The following PDE8B variants were observed in gnomAD, a reference collection of about 807,000 sequenced individuals.
The protein encoded by PDE8B is high affinity cAMP-specific and IBMX-insensitive 3',5'-cyclic phosphodiesterase 8B.
PDE8B carries 26 observed loss-of-function variants against 101.3 expected under a neutral mutation model. That is an observed-to-expected ratio of 0.26 (90% CI 0.19 to 0.36). The LOEUF is 0.36. PDE8B is among the 10% of genes least tolerant of loss of function. The pLI is 1.00. For missense variants in PDE8B, 810 were observed against 1,163.1 expected (o/e 0.70, Z 4.42); for synonymous variants, 424 against 429.3 (o/e 0.99, Z 0.15).
intron 10 of PDE8B, among the ~76,000 whole-genome samples, chr5:77,372,193 C>T (rs1293934290): frequency 7.0e-6 from 1 of 141,852 alleles, no homozygotes; most frequent in East Asian, 2.0e-4. Context: ...GAGTGAGATT[C>T]TGTCTCAAAA....
chr5:77,322,857 C>T (rs1338554294), intron 2 of PDE8B, among the ~76,000 whole-genome samples: 5 of 152,122 alleles, frequency 3.3e-5, no homozygotes, highest in African/African-American at 1.2e-4. Context: ...TTATTTTGTT[C>T]ATCAACATAC....
the PDE8B span, among the ~76,000 whole-genome samples, chr5:77,193,089 A>G: frequency 6.6e-6 from 1 of 152,190 alleles, no homozygotes; most frequent in Admixed American, 6.5e-5. Flanking sequence ...GATACAAGTC[A>G]TTGGATGTAT....
At chr5:77,246,204 C>T (rs960521846) in intron 1 of PDE8B, among the ~76,000 whole-genome samples, 3 of 151,986 alleles carry the variant, frequency 2.0e-5, no homozygotes, top group Non-Finnish European at 2.9e-5. Context: ...AAAAAAAATG[C>T]ATTTTAGGTC....
At chr5:77,103,111 A>G in the PDE8B span, among the ~76,000 whole-genome samples, 1 of 152,220 alleles carries the variant, frequency 6.6e-6, no homozygotes, top group African/African-American at 2.4e-5. Context: ...TCTGTTTGCA[A>G]ACAAAAGATG....
chr5:77,333,835 G>C (rs1777597448), intron 5 of PDE8B, among the ~76,000 whole-genome samples: 1 of 152,224 alleles, frequency 6.6e-6, no homozygotes, highest in Non-Finnish European at 1.5e-5. Flanking sequence ...CCACTATCCA[G>C]ACATGTTACT....
intron 6 of PDE8B, among the ~76,000 whole-genome samples, chr5:77,341,908 G>A (rs1451128925): frequency 1.3e-5 from 2 of 152,102 alleles, no homozygotes; most frequent in East Asian, 1.9e-4. Context: ...ATACTACTGC[G>A]CCTGTAAGCC....
chr5:77,425,961 G>A, intron 21 of PDE8B, 65 bp downstream of exon 21: 3 of 1,476,904 alleles, frequency 2.0e-6, no homozygotes, highest in Non-Finnish European at 1.9e-6. Flanking sequence ...TATCTTTAGT[G>A]ACACAGGGTG....
In PDE8B at chr5:77,426,428, C is replaced by G. The variant is rs761911583; in HGVS notation, c.2549-17C>G. 12 of 1,557,378 alleles carry G rather than the reference C, an allele frequency of 7.7e-6. No homozygotes were observed. The highest frequency in any genetic ancestry group is 1.1e-5 in the Non-Finnish European group (12 of 1,128,602). ...CTAAGTTCACCGGTTTCTTTTGATT[C>G]TTTTCTGTCTTTGCAGCCTTTGCAC... On this transcript the variant is annotated splice_polypyrimidine_tract_variant and intron_variant, in intron 21 of 21. Coordinates refer to ENST00000264917, the MANE Select transcript of PDE8B (RefSeq NM_003719.5).
At chr5:77,305,030 G>A (rs1168832241) in intron 1 of PDE8B, among the ~76,000 whole-genome samples, 2 of 152,154 alleles carry the variant, frequency 1.3e-5, no homozygotes, top group East Asian at 1.9e-4. Context: ...AAATGGATAT[G>A]TAATAGAGTC....
At chr5:77,256,908 G>C (rs1343778572) in intron 1 of PDE8B, among the ~76,000 whole-genome samples, 1 of 151,974 alleles carries the variant, frequency 6.6e-6, no homozygotes, top group Non-Finnish European at 1.5e-5. Flanking sequence ...TTGTTTAACT[G>C]GTATTTTGCT....
the PDE8B span, among the ~76,000 whole-genome samples, chr5:77,190,172 T>G: frequency 1.3e-5 from 2 of 152,122 alleles, no homozygotes; most frequent in East Asian, 3.9e-4. Flanking sequence ...TTATCAAGGG[T>G]GATTGTGGTC....
chr5:77,368,854 A>G (rs1414124406), intron 10 of PDE8B, among the ~76,000 whole-genome samples: 1 of 152,166 alleles, frequency 6.6e-6, no homozygotes, highest in African/African-American at 2.4e-5. Flanking sequence ...ACTCAGATAT[A>G]TGGAAACAGA....
chr5:77,291,517 T>C, intron 1 of PDE8B: 1 of 1,607,348 alleles, frequency 6.2e-7, no homozygotes, highest in Non-Finnish European at 8.5e-7. Flanking sequence ...GAAGAGGTCT[T>C]TGCATGGAAT....
At chr5:77,116,231 T>TCA in the PDE8B span, among the ~76,000 whole-genome samples, 1 of 104,110 alleles carries the variant, frequency 9.6e-6, no homozygotes, top group African/African-American at 3.8e-5. Context: ...TATATTTTTT[T>TCA]TTTTTTTTTT....
At chr5:77,345,762 T>C (rs1171923634) in intron 7 of PDE8B, among the ~76,000 whole-genome samples, 2 of 152,224 alleles carry the variant, frequency 1.3e-5, no homozygotes, top group African/African-American at 4.8e-5. Context: ...GAATTGGTGC[T>C]TGCCTGCCTG....
chr5:77,142,355 C>T, the PDE8B span: 1 of 152,146 alleles, frequency 6.6e-6, no homozygotes, highest in Non-Finnish European at 1.5e-5. Flanking sequence ...ATTTAAAGTA[C>T]ACAATGTGAT....
intron 5 of PDE8B, among the ~76,000 whole-genome samples, chr5:77,333,189 T>C (rs1181357326): frequency 1.3e-5 from 2 of 152,158 alleles, no homozygotes; most frequent in Non-Finnish European, 2.9e-5. Flanking sequence ...TTTTTTCTTG[T>C]CTGTTATCTC....
rs71606290 is a variant in PDE8B at position 77,397,026 on chromosome 5, A to ATTTTTTTTTTTTTTTTTTTTTTTT, written c.1168-3221_1168-3198dup. On this transcript the variant is annotated intron_variant, in intron 10 of 21. Transcript: ENST00000264917. ...TTGGTTTCTATATTTCCGATAAGAA[A>ATTTTTTTTTTTTTTTTTTTTTTTT]TTTTTTTTTTTTTTTTTTTTTTTTG... 2.9e-3 allele frequency among the ~76,000 whole-genome samples: 248 copies of ATTTTTTTTTTTTTTTTTTTTTTTT among 84,362 alleles called. 16 individuals carry two copies. Among genetic ancestry groups the ATTTTTTTTTTTTTTTTTTTTTTTT allele is most frequent in the Middle Eastern group, 7.2e-3 (1 of 138 alleles). 55.3% of individuals were successfully genotyped at this position (84,362 alleles called of 152,430 possible).
chr5:77,301,888 G>T (rs560714480), intron 1 of PDE8B, among the ~76,000 whole-genome samples: 15 of 152,024 alleles, frequency 9.9e-5, no homozygotes, highest in East Asian at 3.9e-4. Flanking sequence ...GCAGTTTGGG[G>T]TTTTTTTTGT....
Sources: gnomAD v4.1 joint callset for allele counts (sites outside exome capture counted in the v4.1 genomes callset) on GRCh38, gnomAD v4.1.1 for gene constraint, MANE v1.5 for transcripts, NCBI Gene and HGNC (gene_info 2026-07-23, HGNC 2026-07-21) for gene names.